EFL1: variants seen among roughly 807,000 people sequenced by gnomAD.
EFL1 encodes elongation factor-like GTPase 1.
Under a neutral mutation model 126.7 loss-of-function variants are expected in EFL1, and 76 were observed. That is an observed-to-expected ratio of 0.60 (90% CI 0.50 to 0.73). The LOEUF (loss-of-function observed/expected upper bound fraction) is 0.73. EFL1 is among the 30% of genes least tolerant of loss of function. The pLI, the probability that EFL1 is intolerant of heterozygous loss-of-function variation, is 0.00. For synonymous variants in EFL1, 410 were observed against 448.4 expected, an observed-to-expected ratio of 0.91 and a Z score of 1.08; for missense variants, 1,128 against 1,343.2, an observed-to-expected ratio of 0.84 and a Z score of 2.50.
intron 15 of EFL1, among the ~76,000 whole-genome samples, chr15:82,213,840 C>G (rs2074614078): frequency 6.6e-6 from 1 of 152,160 alleles, no homozygotes; most frequent in Admixed American, 6.5e-5. Flanking sequence ...AGAAGCTAAG[C>G]ATTCTACAAA....
intron 19 of EFL1, among the ~76,000 whole-genome samples, chr15:82,132,694 GGGT>G (rs1247920232): frequency 5.2e-4 from 33 of 64,030 alleles, no homozygotes; most frequent in Admixed American, 6.4e-4. Context: ...GGGGGGGGGG[GGGT>G]AGGCAGAGTG....
At chr15:82,157,889 T>C (rs1180219016) in intron 16 of EFL1, 29 bp from the exon 17 acceptor site, 1 of 1,602,176 alleles carries the variant, frequency 6.2e-7, no homozygotes, top group Non-Finnish European at 8.5e-7. Context: ...ATAGATTAAA[T>C]ATGATATAAG....
At chr15:82,229,352 G>T (rs1824995756) in intron 8 of EFL1, among the ~76,000 whole-genome samples, 2 of 152,060 alleles carry the variant, frequency 1.3e-5, no homozygotes, top group South Asian at 2.1e-4. Context: ...CCATTTGTGG[G>T]TCATATTACC....
At chr15:82,261,906 C>T (rs1268781446) in intron 1 of EFL1, 109 bp from the exon 2 acceptor site, 1 of 743,004 alleles carries the variant, frequency 1.3e-6, no homozygotes, top group Non-Finnish European at 2.2e-6. Flanking sequence ...CCCCTTAAAC[C>T]AAGAACCCAG....
intron 7 of EFL1, among the ~76,000 whole-genome samples, chr15:82,232,451 T>C (rs567669819): frequency 2.0e-5 from 3 of 152,350 alleles, no homozygotes; most frequent in East Asian, 3.9e-4. Context: ...ATGGTTCATG[T>C]TCCTGTCTAC....
intron 17 of EFL1, among the ~76,000 whole-genome samples, chr15:82,156,290 T>G (rs1459737390): frequency 6.6e-6 from 1 of 152,152 alleles, no homozygotes; most frequent in East Asian, 1.9e-4. Flanking sequence ...GCAGCAGCAG[T>G]TATTCTATTT....
chr15:82,238,598 T>A lies in EFL1; in HGVS notation c.517-77A>T, dbSNP rs1306751932. On this transcript the variant is annotated intron_variant, in intron 6 of 19. Coordinates refer to ENST00000268206, the MANE Select transcript of EFL1 (RefSeq NM_024580.6). ...ACGGCAGGAGAAACACTGTTTAACC[T>A]GTGTTAGGGCTAGAATCATTAGTCA... 8 of 1,251,104 alleles carry A rather than the reference T, an allele frequency of 6.4e-6. No homozygotes were observed. The African/African-American group carries it at 1.2e-4, about 19-fold the overall frequency. 77.5% of individuals were successfully genotyped at this position (1,251,104 alleles called of 1,614,324 possible). A position where few individuals can be genotyped will look rare whatever the true frequency, so the allele number is the denominator to read the frequency against.
At chr15:82,165,737 G>A (rs1156312274) in intron 15 of EFL1, among the ~76,000 whole-genome samples, 1 of 152,162 alleles carries the variant, frequency 6.6e-6, no homozygotes, top group Non-Finnish European at 1.5e-5. Context: ...ACTACCTTTT[G>A]GATTTTGAAA....
intron 6 of EFL1, among the ~76,000 whole-genome samples, chr15:82,239,313 T>C (rs1264767239): frequency 6.6e-6 from 1 of 152,116 alleles, no homozygotes; most frequent in African/African-American, 2.4e-5. Context: ...ATTTTTTGTA[T>C]TTTTAGTAGA....
In EFL1 at chr15:82,166,796, A is replaced by G. The variant is rs565898083; in HGVS notation, c.1751-2812T>C. On this transcript the variant is annotated intron_variant, in intron 15 of 19. Coordinates refer to ENST00000268206, the MANE Select transcript of EFL1 (RefSeq NM_024580.6). ...GTCACACATAATTTACACTGTTGTA[A>G]TAACCATAAACTTCTTGTCCTTCTT... Among the ~76,000 whole-genome samples, 223 of 152,300 alleles carry G rather than the reference A, an allele frequency of 1.5e-3. 1 individual carries two copies. Among genetic ancestry groups the G allele is most frequent in the African/African-American group, 5.1e-3 (212 of 41,568 alleles).
chr15:82,253,586 T>C (rs954225954), intron 3 of EFL1, among the ~76,000 whole-genome samples: 5 of 152,146 alleles, frequency 3.3e-5, no homozygotes, highest in African/African-American at 4.8e-5. Context: ...TAGCCATTCT[T>C]TTCCTATTTA....
intron 3 of EFL1, among the ~76,000 whole-genome samples, chr15:82,258,763 C>T (rs572306138): frequency 6.6e-6 from 1 of 152,190 alleles, no homozygotes; most frequent in Non-Finnish European, 1.5e-5. Flanking sequence ...TTCCCACTAC[C>T]TGGTAGCTTT....
At chr15:82,148,176 G>A (rs568792560) in intron 18 of EFL1, among the ~76,000 whole-genome samples, 1 of 152,058 alleles carries the variant, frequency 6.6e-6, no homozygotes, top group South Asian at 2.1e-4. Context: ...TCAGGGGTTC[G>A]AGACCAACCT....
chr15:82,152,468 T>C (rs754375624), intron 17 of EFL1, 45 bp from the exon 18 acceptor site: 31 of 1,500,480 alleles, frequency 2.1e-5, no homozygotes, highest in Non-Finnish European at 2.8e-5. Flanking sequence ...AAAATCAAAA[T>C]AGCATCAAAG....
At chr15:82,189,545 G>A (rs532322975) in intron 15 of EFL1, among the ~76,000 whole-genome samples, 96 of 152,132 alleles carry the variant, frequency 6.3e-4, no homozygotes, top group African/African-American at 2.2e-3. Context: ...AAACCATCTG[G>A]ATGTTCTAGA....
chr15:82,197,635 A>G (rs116883879), intron 15 of EFL1, among the ~76,000 whole-genome samples: 4,485 of 152,290 alleles, frequency 0.029, 118 homozygotes, highest in Non-Finnish European at 0.045. Flanking sequence ...TCATAACTCA[A>G]TTTCCAAGAT....
At chr15:82,134,019 C>T (rs1041489926) in intron 19 of EFL1, among the ~76,000 whole-genome samples, 2 of 152,176 alleles carry the variant, frequency 1.3e-5, no homozygotes, top group African/African-American at 4.8e-5. Context: ...AATGCCAGTT[C>T]CCTACTTGCT....
chr15:82,153,992 G>A (rs58432693), intron 17 of EFL1, among the ~76,000 whole-genome samples: 1 of 152,186 alleles, frequency 6.6e-6, no homozygotes, highest in African/African-American at 2.4e-5. Flanking sequence ...AACTACGAGA[G>A]AGAACACATC....
intron 3 of EFL1, among the ~76,000 whole-genome samples, chr15:82,254,931 T>G (rs988943773): frequency 6.6e-6 from 1 of 152,144 alleles, no homozygotes; most frequent in Admixed American, 6.5e-5. Context: ...GAGAATGAGA[T>G]GTAGACCTTC....
Sources: gnomAD v4.1 joint callset for allele counts (sites outside exome capture counted in the v4.1 genomes callset) on GRCh38, gnomAD v4.1.1 for gene constraint, MANE v1.5 for transcripts, NCBI Gene and HGNC (gene_info 2026-07-23, HGNC 2026-07-21) for gene names.